The following ABI2 variants were observed in gnomAD, a reference collection of about 807,000 sequenced individuals.
ABI2 encodes the protein abelson interactor 2.
In ABI2, 25 loss-of-function variants were observed where a neutral mutation model predicts 59.2. The ratio of observed to expected loss-of-function variants is 0.42; its 90% confidence interval spans 0.31 to 0.59. The LOEUF is 0.59. ABI2 is among the 20% of genes least tolerant of loss of function. The pLI is 0.14. For missense variants in ABI2, 545 were observed against 681.8 expected, an observed-to-expected ratio of 0.80 and a Z score of 2.23; for synonymous variants, 213 against 235.5, an observed-to-expected ratio of 0.90 and a Z score of 0.87.
chr2:203,391,595 C>T (rs2096742521), intron 5 of ABI2, among the ~76,000 whole-genome samples: 1 of 152,022 alleles, frequency 6.6e-6, no homozygotes, highest in Non-Finnish European at 1.5e-5. Context: ...CCAAAGCGGG[C>T]AGATCACTTG....
intron 8 of ABI2, among the ~76,000 whole-genome samples, chr2:203,400,970 C>G (rs944079926): frequency 2.0e-5 from 3 of 152,112 alleles, no homozygotes; most frequent in African/African-American, 7.2e-5. Flanking sequence ...CATCAAATTC[C>G]ATATTACATA....
intron 4 of ABI2, among the ~76,000 whole-genome samples, chr2:203,388,205 A>G (rs2096606161): frequency 6.6e-6 from 1 of 152,192 alleles, no homozygotes; most frequent in Non-Finnish European, 1.5e-5. Context: ...TGCCTTGAGG[A>G]AATATTGAAA....
At chr2:203,336,572 T>G (rs561033684) in intron 1 of ABI2, among the ~76,000 whole-genome samples, 1 of 152,200 alleles carries the variant, frequency 6.6e-6, no homozygotes, top group Non-Finnish European at 1.5e-5. Context: ...TGTACCCTTT[T>G]AGGTAGTAGC....
intron 2 of ABI2, among the ~76,000 whole-genome samples, chr2:203,378,174 A>G (rs35071165): frequency 1.3e-5 from 2 of 149,408 alleles, no homozygotes; most frequent in Non-Finnish European, 3.0e-5. Context: ...GTGCAGTGGC[A>G]CAATCTCGGC....
At chr2:203,374,616 ATG>A (rs1259239936) in intron 2 of ABI2, among the ~76,000 whole-genome samples, 3 of 152,120 alleles carry the variant, frequency 2.0e-5, no homozygotes, top group Admixed American at 6.5e-5. Flanking sequence ...TTAATTTCCT[ATG>A]TAGTTTTTAT....
At chr2:203,415,643 A>T (rs983051668) in intron 10 of ABI2, among the ~76,000 whole-genome samples, 6 of 150,758 alleles carry the variant, frequency 4.0e-5, no homozygotes, top group East Asian at 1.9e-4. Flanking sequence ...AAAAAAAAAA[A>T]TCCATTTAAT....
At chr2:203,358,071 T>TTGTGTGTGTGTGTGTGTGTGTGTGTG (rs71007506) in intron 1 of ABI2, among the ~76,000 whole-genome samples, 1 of 128,850 alleles carries the variant, frequency 7.8e-6, no homozygotes, top group African/African-American at 3.1e-5. Flanking sequence ...CCTGGCCTGT[T>TTGTGTGTGTGTGTGTGTGTGTGTGTG]TGTGTGTGTG....
At chr2:203,349,821 TTA>T (rs1214114442) in intron 1 of ABI2, among the ~76,000 whole-genome samples, 6 of 152,154 alleles carry the variant, frequency 3.9e-5, no homozygotes, top group Admixed American at 2.6e-4. Context: ...CTTTTGCCAA[TTA>T]TGAGTAATTT....
At chr2:203,380,659 C>G (rs1559280076) in intron 3 of ABI2, among the ~76,000 whole-genome samples, 3 of 152,102 alleles carry the variant, frequency 2.0e-5, no homozygotes, top group Admixed American at 6.5e-5. Context: ...GTCGTGTAAT[C>G]TTTCCAATTT....
intron 3 of ABI2, among the ~76,000 whole-genome samples, chr2:203,380,685 G>T (rs1214798013): frequency 6.6e-6 from 1 of 152,034 alleles, no homozygotes; most frequent in Non-Finnish European, 1.5e-5. Flanking sequence ...TAATATGACT[G>T]ATTAAAAAAT....
At position 203,416,509 on chromosome 2, in the gene ABI2, T is replaced by C. The variant is rs561848989; in HGVS notation, c.1280-399T>C. Among the ~76,000 whole-genome samples the C allele has an allele frequency of 3.3e-5, 5 of 152,306 alleles. No homozygotes were observed. In the East Asian group the frequency reaches 9.7e-4, roughly 29 times the overall value. On this transcript the variant is annotated intron_variant, in intron 10 of 11. Coordinates refer to ENST00000261018, the MANE Select transcript of ABI2 (RefSeq NM_001375670.1). ...CAGGGTTTCACCATGTTGCCCAGGC[T>C]GGTCTTGAACTTCTGACCTCAGGTG... is the stretch of plus-strand genomic sequence containing the variant.
At chr2:203,408,266 G>A (rs982645963) in intron 9 of ABI2, among the ~76,000 whole-genome samples, 2 of 151,190 alleles carry the variant, frequency 1.3e-5, no homozygotes, top group Admixed American at 6.6e-5. Flanking sequence ...GGGTTCAAGC[G>A]ATTCTCCTGG....
At chr2:203,354,817 C>T (rs1311604213) in intron 1 of ABI2, among the ~76,000 whole-genome samples, 1 of 152,202 alleles carries the variant, frequency 6.6e-6, no homozygotes, top group African/African-American at 2.4e-5. Flanking sequence ...CTGCCCTTTG[C>T]TCCAGAGGGA....
intron 1 of ABI2, among the ~76,000 whole-genome samples, chr2:203,330,986 G>A (rs567285825): frequency 3.9e-5 from 6 of 152,158 alleles, no homozygotes; most frequent in African/African-American, 1.4e-4. Flanking sequence ...AAAATTTAGT[G>A]TGGTGACATT....
intron 8 of ABI2, among the ~76,000 whole-genome samples, chr2:203,399,157 C>T (rs1198305191): frequency 6.6e-6 from 1 of 152,202 alleles, no homozygotes; most frequent in African/African-American, 2.4e-5. Flanking sequence ...ATTTTACACT[C>T]CCAGCAGCAA....
At chr2:203,370,655 T>C (rs1041672422) in intron 2 of ABI2, among the ~76,000 whole-genome samples, 1 of 152,130 alleles carries the variant, frequency 6.6e-6, no homozygotes, top group African/African-American at 2.4e-5. Context: ...ATTTAAAATA[T>C]TGTGTGTTTC....
chr2:203,355,788 G>A (rs779377719), intron 1 of ABI2, among the ~76,000 whole-genome samples: 1 of 132,374 alleles, frequency 7.6e-6, no homozygotes, highest in African/African-American at 3.0e-5. Flanking sequence ...CCGAGATTAC[G>A]CCATTGCACT....
intron 3 of ABI2, 75 bp downstream of exon 3, chr2:203,380,459 T>C: frequency 1.0e-6 from 1 of 982,656 alleles, no homozygotes; most frequent in Non-Finnish European, 1.4e-6. Context: ...ATTAAGCTTT[T>C]TATCTGTCTT....
intron 11 of ABI2, among the ~76,000 whole-genome samples, chr2:203,423,970 G>T (rs569751638): frequency 1.3e-5 from 2 of 152,226 alleles, no homozygotes; most frequent in African/African-American, 4.8e-5. Flanking sequence ...GAAGAACAAT[G>T]TGTAAGTCCT....
Sources: allele counts gnomAD v4.1 joint callset (sites outside exome capture counted in the v4.1 genomes callset), GRCh38; gene constraint gnomAD v4.1.1; transcripts MANE v1.5; gene names NCBI Gene and HGNC (gene_info 2026-07-23, HGNC 2026-07-21).